Variants in PCTP observed in about 807,000 individuals in gnomAD.
PCTP encodes the protein phosphatidylcholine transfer protein.
A neutral mutation model predicts 31.0 loss-of-function variants in PCTP; 27 were observed. That is an observed-to-expected ratio of 0.87 (90% CI 0.64 to 1.20). The LOEUF (loss-of-function observed/expected upper bound fraction) is 1.20. Among genes scored for constraint, PCTP ranks in the 50% most tolerant of loss-of-function variants. The pLI is 0.00. For missense variants in PCTP, 287 were observed against 268.2 expected (o/e 1.07, Z -0.49); for synonymous variants, 108 against 101.2 (o/e 1.07, Z -0.40).
downstream of PCTP, among the ~76,000 whole-genome samples, chr17:55,844,086 C>T (rs1163279088): frequency 6.6e-6 from 1 of 152,190 alleles, no homozygotes; most frequent in Admixed American, 6.5e-5. Context: ...TTTACTTCCA[C>T]AGTTTTTAAA....
At chr17:55,829,380 G>A (rs1385998315) in intron 5 of PCTP, among the ~76,000 whole-genome samples, 7 of 151,962 alleles carry the variant, frequency 4.6e-5, no homozygotes, top group African/African-American at 7.3e-5. Context: ...GTGCGATCTC[G>A]GCTCACTGCA....
chr17:55,809,675 A>G (rs1007291004), intron 3 of PCTP, among the ~76,000 whole-genome samples: 2 of 152,068 alleles, frequency 1.3e-5, no homozygotes, highest in Non-Finnish European at 2.9e-5. Context: ...GGTGTGGGCC[A>G]CCATGCCCAG....
At chr17:55,773,967 C>A in intron 4 of PCTP, 72 bp downstream of exon 4, 1 of 1,466,604 alleles carries the variant, frequency 6.8e-7, no homozygotes. Context: ...GATGGGGGGA[C>A]ATGTCGAGTA....
At chr17:55,839,904 A>G in intron 5 of PCTP, among the ~76,000 whole-genome samples, 1 of 120,908 alleles carries the variant, frequency 8.3e-6, no homozygotes, top group South Asian at 3.4e-4. Context: ...TGGGCGACAG[A>G]GCGAGACTCA....
Position 55,776,082 on chromosome 17 carries a change from C to T in PCTP, c.627C>T (p.Asn209=), listed in dbSNP as rs1219387977. The change falls in exon 6 of 6, where the codon AAC becomes AAT. Residue 209 remains asparagine, a synonymous_variant. Transcript: ENST00000268896. Reference sequence around the variant, plus strand: ...AAGACATGGCAAGAGCCTGTCAGAACTACCTCAAGAAAACCTAAGAAAGAG... The same window carrying T: ...AAGACATGGCAAGAGCCTGTCAGAATTACCTCAAGAAAACCTAAGAAAGAG... The part of the protein sequence containing the change: ...FLKDMARACQ[N]YLKKT 6.2e-7 allele frequency: 1 copy of T among 1,614,088 alleles called. No homozygotes were observed. Among genetic ancestry groups the T allele is most frequent in the Admixed American group, 1.7e-5 (1 of 60,006 alleles).
rs765467222 is a variant in PCTP, at chr17:55,774,773, C to T, written c.512-19C>T. On this transcript the variant is annotated intron_variant, in intron 4 of 5. Coordinates refer to ENST00000268896, the MANE Select transcript of PCTP (RefSeq NM_021213.4). Reference sequence around the variant, plus strand: ...GGTATTTTTCCTTTTTCTGAATTGTCCTTTCTTTCCCTCTCTAGTTTTCAT... The same window carrying T: ...GGTATTTTTCCTTTTTCTGAATTGTTCTTTCTTTCCCTCTCTAGTTTTCAT... 2.6e-6 allele frequency: 4 copies of T among 1,562,226 alleles called. No individual in the cohort carries two copies. Among genetic ancestry groups the T allele is most frequent in the Non-Finnish European group, 3.5e-6 (4 of 1,134,744 alleles).
rs1056570611 is a variant in PCTP at position 55,790,842 on chromosome 17, A to G, written c.317+3188A>G. Among the ~76,000 whole-genome samples the G allele has an allele frequency of 2.7e-5, 4 of 150,096 alleles. 1 individual carries two copies. Among genetic ancestry groups the G allele is most frequent in the Admixed American group, 6.6e-5 (1 of 15,204 alleles). Reference sequence around the variant, plus strand: ...ATGGAACCAAAAAAGGGCCCGCATCACCAAGTCAATCCTAAGCCAAAAGAA... The same window carrying G: ...ATGGAACCAAAAAAGGGCCCGCATCGCCAAGTCAATCCTAAGCCAAAAGAA... On this transcript the variant is annotated intron_variant, in intron 3 of 3. Coordinates refer to the PCTP transcript ENST00000572536.
downstream of PCTP, among the ~76,000 whole-genome samples, chr17:55,846,975 G>A (rs1178617527): frequency 6.6e-6 from 1 of 152,124 alleles, no homozygotes; most frequent in East Asian, 1.9e-4. Context: ...ATTCCATAGG[G>A]CAGGAATTTT....
chr17:55,777,189 G>A lies in PCTP; in HGVS notation c.*1089G>A. ...AAGGTATTTCTATGTCAAAGGCACA[G>A]CCTTGATGATCTCAGGGAAAAATTT... On this transcript the variant is annotated 3_prime_UTR_variant, in exon 6 of 6. Coordinates refer to ENST00000268896, the MANE Select transcript of PCTP (RefSeq NM_021213.4). 1 of 984,892 alleles carries A rather than the reference G, an allele frequency of 1.0e-6. No homozygotes were observed. Among genetic ancestry groups the A allele is most frequent in the Non-Finnish European group, 1.2e-6 (1 of 829,070 alleles). The allele number at this position is 984,892 out of a possible 1,614,324, so 61.0% of individuals were successfully genotyped here. A position where few individuals can be genotyped will look rare whatever the true frequency, so the allele number is the denominator to read the frequency against.
chr17:55,794,123 T>G (rs1298072590), intron 3 of PCTP, among the ~76,000 whole-genome samples: 1 of 152,088 alleles, frequency 6.6e-6, no homozygotes, highest in African/African-American at 2.4e-5. Flanking sequence ...ACCAACCTCC[T>G]TTTTTGCATC....
chr17:55,781,013 T>TAAA (rs35519775), downstream of PCTP, among the ~76,000 whole-genome samples: 177 of 131,076 alleles, frequency 1.4e-3, no homozygotes, highest in African/African-American at 4.5e-3. Flanking sequence ...CCACAGCATG[T>TAAA]AAAAAAAAAA....
chr17:55,800,849 C>T (rs374359160), intron 3 of PCTP, among the ~76,000 whole-genome samples: 517 of 151,950 alleles, frequency 3.4e-3, no homozygotes, highest in African/African-American at 0.01. Context: ...TATTCCTTTC[C>T]GTTTGTTAGT....
the PCTP span, among the ~76,000 whole-genome samples, chr17:55,851,998 T>C: frequency 6.6e-6 from 1 of 152,228 alleles, no homozygotes; most frequent in Non-Finnish European, 1.5e-5. Flanking sequence ...TACAATATAA[T>C]TCTACAAGTT....
At chr17:55,845,085 C>CAAAAA (rs891404386), downstream of PCTP, among the ~76,000 whole-genome samples, 354 of 32,504 alleles carry the variant, frequency 0.011, 44 homozygotes, top group African/African-American at 0.029. Context: ...AAAACTCCAT[C>CAAAAA]AAAAAAAAAA....
At chr17:55,789,579 C>A (rs1264775532) in intron 3 of PCTP, among the ~76,000 whole-genome samples, 6 of 152,170 alleles carry the variant, frequency 3.9e-5, no homozygotes, top group Non-Finnish European at 8.8e-5. Flanking sequence ...CCTTTGAGAA[C>A]AAGTTCAATG....
intron 3 of PCTP, among the ~76,000 whole-genome samples, chr17:55,798,114 A>G (rs1483902467): frequency 6.6e-6 from 1 of 152,090 alleles, no homozygotes; most frequent in African/African-American, 2.4e-5. Context: ...AGCCTAACAG[A>G]TTAAACACAA....
At chr17:55,816,574 T>C (rs1002471838) in intron 3 of PCTP, among the ~76,000 whole-genome samples, 53 of 152,206 alleles carry the variant, frequency 3.5e-4, no homozygotes, top group African/African-American at 1.2e-3. Context: ...GTGTTAATGG[T>C]CTGGACAGTA....
intron 5 of PCTP, among the ~76,000 whole-genome samples, chr17:55,831,361 C>T (rs182300417): frequency 1.5e-3 from 231 of 152,298 alleles, no homozygotes; most frequent in African/African-American, 5.2e-3. Flanking sequence ...AAAGGCACCA[C>T]TTTGTGGTGC....
chr17:55,826,346 T>A (rs1385133788), downstream of PCTP, among the ~76,000 whole-genome samples: 1 of 152,030 alleles, frequency 6.6e-6, no homozygotes, highest in Non-Finnish European at 1.5e-5. Flanking sequence ...CAAATCCATA[T>A]CTAGAGCAGG....
Sources: gnomAD v4.1 joint callset for allele counts (sites outside exome capture counted in the v4.1 genomes callset) on GRCh38, gnomAD v4.1.1 for gene constraint, MANE v1.5 for transcripts, NCBI Gene and HGNC (gene_info 2026-07-23, HGNC 2026-07-21) for gene names.